The following NEK11 variants were observed in gnomAD, a reference collection of about 807,000 sequenced individuals.
NEK11 encodes the protein NIMA related kinase 11.
Under a neutral mutation model 80.7 loss-of-function variants are expected in NEK11, and 72 were observed. The ratio of observed to expected loss-of-function variants is 0.89; its 90% CI spans 0.74 to 1.08. NEK11 has a LOEUF of 1.08. Among genes scored for constraint, NEK11 ranks in the 50% least tolerant of loss-of-function variants. The pLI is 0.00. For missense variants in NEK11, 764 were observed against 763.6 expected (o/e 1.00, Z -0.01); for synonymous variants, 251 against 260.7 (o/e 0.96, Z 0.36).
chr3:131,084,079 AC>A (rs2075661661), intron 4 of NEK11, among the ~76,000 whole-genome samples: 1 of 152,114 alleles, frequency 6.6e-6, no homozygotes, highest in Admixed American at 6.5e-5. Context: ...TTTCCAATAA[AC>A]AAGGTTCCTT....
chr3:131,170,694 A>G, intron 13 of NEK11, 79 bp from the exon 14 acceptor site: 1 of 914,032 alleles, frequency 1.1e-6, no homozygotes, highest in Non-Finnish European at 1.8e-6. Flanking sequence ...AGTCTTCTAA[A>G]TAAGAATATT....
At chr3:131,331,124 A>G (rs756714231) in intron 17 of NEK11, among the ~76,000 whole-genome samples, 3 of 152,174 alleles carry the variant, frequency 2.0e-5, no homozygotes, top group Admixed American at 1.3e-4. Flanking sequence ...TTCATGCACT[A>G]TGTGACATCC....
intron 14 of NEK11, among the ~76,000 whole-genome samples, chr3:131,205,376 A>C (rs2094413441): frequency 6.6e-6 from 1 of 152,182 alleles, no homozygotes; most frequent in Non-Finnish European, 1.5e-5. Context: ...AGGGTGTCTG[A>C]TTAGAGGAAC....
intron 14 of NEK11, among the ~76,000 whole-genome samples, chr3:131,193,354 A>G (rs2093876742): frequency 6.6e-6 from 1 of 152,178 alleles, no homozygotes; most frequent in South Asian, 2.1e-4. Context: ...TGGTATTGTT[A>G]GAGTTTGGAC....
rs149498718 is a variant in NEK11 at position 131,035,937 on chromosome 3, A to G, written c.170+6059A>G. On this transcript the variant is annotated intron_variant, in intron 3 of 17. Coordinates refer to ENST00000383366, the MANE Select transcript of NEK11 (RefSeq NM_024800.5). ...TAAATAGCTCTGGATGCACCCCCATACAAATATTCATAGGGTACCTCCTTT... is the reference window on the plus strand; with the variant it reads ...TAAATAGCTCTGGATGCACCCCCATGCAAATATTCATAGGGTACCTCCTTT... Among the ~76,000 whole-genome samples the G allele has an allele frequency of 8.2e-3, 1,243 of 152,308 alleles. 21 individuals carry two copies. Among genetic ancestry groups the G allele is most frequent in the African/African-American group, 0.028 (1,174 of 41,548 alleles).
Position 131,077,387 on chromosome 3 carries a change from G to A in NEK11, c.171-3036G>A, listed in dbSNP as rs147648084. Among the ~76,000 whole-genome samples the A allele has an allele frequency of 2.4e-3, 362 of 152,252 alleles. 1 individual carries two copies. The highest frequency in any genetic ancestry group is 8.1e-3 in the African/African-American group (338 of 41,560). On this transcript the variant is annotated intron_variant, in intron 3 of 17. Coordinates refer to ENST00000383366, the MANE Select transcript of NEK11 (RefSeq NM_024800.5). Reference sequence around the variant, plus strand: ...GTGATTTTAGGTAAGGAAGGTGAACGTCTCCGCATCAGCTAGAGAGATTAT... The same window carrying A: ...GTGATTTTAGGTAAGGAAGGTGAACATCTCCGCATCAGCTAGAGAGATTAT...
At chr3:131,305,435 C>A (rs144631196) in intron 17 of NEK11, among the ~76,000 whole-genome samples, 1 of 152,086 alleles carries the variant, frequency 6.6e-6, no homozygotes, top group African/African-American at 2.4e-5. Context: ...GAGAAGCCAG[C>A]AGACACAGGA....
In NEK11 at chr3:131,152,502, G is replaced by A. The variant is rs758562940; in HGVS notation, c.762G>A (p.Glu254=). The change falls in exon 8 of 18, where the codon GAG becomes GAA. Residue 254 remains glutamate (E), a synonymous_variant. Coordinates refer to ENST00000383366, the MANE Select transcript of NEK11 (RefSeq NM_024800.5). ...IVEGDTPSLP[E]RYPKELNAIM... ...AAGGTGACACACCTTCTCTCCCTGAGAGATATCCAAAAGAACTAAATGCCA... is the reference window on the plus strand; with the variant it reads ...AAGGTGACACACCTTCTCTCCCTGAAAGATATCCAAAAGAACTAAATGCCA... 7.8e-5 allele frequency: 126 copies of A among 1,613,614 alleles called. No individual in the cohort carries two copies. Among genetic ancestry groups the A allele is most frequent in the Non-Finnish European group, 1.1e-4 (124 of 1,179,848 alleles).
At chr3:131,243,764 A>C (rs191041883) in intron 16 of NEK11, among the ~76,000 whole-genome samples, 4 of 152,230 alleles carry the variant, frequency 2.6e-5, no homozygotes, top group African/African-American at 4.8e-5. Context: ...CTAGCAGTGC[A>C]TAATAACAAG....
Position 131,168,824 on chromosome 3 carries a change from C to A in NEK11, c.1177-6C>A. 1 of 1,608,356 alleles carries A rather than the reference C, an allele frequency of 6.2e-7. No homozygotes were observed. Among genetic ancestry groups the A allele is most frequent in the South Asian group, 1.1e-5 (1 of 90,506 alleles). ...TGCTGAACAGACTTTGTCATAATCT[C>A]TTTAGGAAAAAACACATTTAAAAGG... On this transcript the variant is annotated splice_polypyrimidine_tract_variant and splice_region_variant and intron_variant, in intron 12 of 17. Transcript: ENST00000383366.
chr3:131,307,120 G>A (rs904176933), intron 17 of NEK11, among the ~76,000 whole-genome samples: 1 of 152,062 alleles, frequency 6.6e-6, no homozygotes, highest in Admixed American at 6.5e-5. Context: ...TGACTTTCAT[G>A]GAAAATGAGA....
intron 7 of NEK11, among the ~76,000 whole-genome samples, chr3:131,139,391 T>C (rs749280804): frequency 2.7e-4 from 39 of 143,732 alleles, no homozygotes; most frequent in Non-Finnish European, 3.3e-4. Context: ...ACCTCCAAGA[T>C]CTGGAAAGTA....
Position 131,044,446 on chromosome 3 carries a change from T to TG in NEK11, c.170+14579dup, listed in dbSNP as rs59841218. Among the ~76,000 whole-genome samples, 1,035 of 86,802 alleles carry TG rather than the reference T, an allele frequency of 0.012. 27 individuals carry two copies. In the East Asian group the frequency reaches 0.14, roughly 11 times the overall value. 56.9% of individuals were successfully genotyped at this position (86,802 alleles called of 152,430 possible). A position where few individuals can be genotyped will look rare whatever the true frequency, so the allele number is the denominator to read the frequency against. On this transcript the variant is annotated intron_variant, in intron 3 of 17. Coordinates refer to ENST00000383366, the MANE Select transcript of NEK11 (RefSeq NM_024800.5). ...GCAAAAAAAAAAAAAAAAAAAAAGG[T>TG]GGGGGGGGGGGTTGGAATCCTAGTC...
chr3:131,161,099 C>T (rs943910439), intron 10 of NEK11, among the ~76,000 whole-genome samples: 1 of 146,528 alleles, frequency 6.8e-6, no homozygotes, highest in African/African-American at 2.5e-5. Context: ...TGGAGTGAGC[C>T]GAAATCGTGC....
chr3:131,178,777 G>A (rs2093184345), intron 14 of NEK11, among the ~76,000 whole-genome samples: 1 of 152,148 alleles, frequency 6.6e-6, no homozygotes, highest in Admixed American at 6.5e-5. Flanking sequence ...GTACATGCTT[G>A]TATGCCCTAT....
rs568567796 is a variant in NEK11 at position 131,269,439 on chromosome 3, C to T, written c.1622-4039C>T. On this transcript the variant is annotated intron_variant, in intron 16 of 17. Transcript: ENST00000383366. ...TCTCCTGGTCTGTGGGTTGCAAAGA[C>T]CATGGGAAAAGCATAGTATCTGGGC... Among the ~76,000 whole-genome samples the T allele has an allele frequency of 3.3e-5, 5 of 152,308 alleles. No homozygotes were observed. In the South Asian group the frequency reaches 1.0e-3, roughly 32 times the overall value.
In NEK11 at chr3:131,054,157, C is replaced by G. The variant is rs137874078; in HGVS notation, c.170+24279C>G. 2.8e-3 allele frequency among the ~76,000 whole-genome samples: 427 copies of G among 152,200 alleles called. 6 individuals carry two copies. In the East Asian group the frequency reaches 0.042, roughly 15 times the overall value. On this transcript the variant is annotated intron_variant, in intron 3 of 17. Transcript: ENST00000383366. Reference sequence around the variant, plus strand: ...GTTGAATCCAGGGGTTTGAGACCAGCCTGGGCAACATGGCAAAACCCCATC... The same window carrying G: ...GTTGAATCCAGGGGTTTGAGACCAGGCTGGGCAACATGGCAAAACCCCATC...
intron 16 of NEK11, among the ~76,000 whole-genome samples, chr3:131,270,562 TTCTTTGACA>T (rs1162072091): frequency 6.6e-6 from 1 of 152,228 alleles, no homozygotes; most frequent in Non-Finnish European, 1.5e-5. Flanking sequence ...AATTGTCCTT[TTCTTTGACA>T]TAAAGCAACT....
At position 131,115,908 on chromosome 3, in the gene NEK11, TTC is replaced by T. The variant is rs1491465036; in HGVS notation, c.455+5989_455+5990del. ...TGTTCCCTGAAAGGTAGTGTTTTCTTTCTTTCTTTCTTTCTTTCTTTCTTTCT... is the reference window on the plus strand; with the variant it reads ...TGTTCCCTGAAAGGTAGTGTTTTCTTTTTCTTTCTTTCTTTCTTTCTTTCT... On this transcript the variant is annotated intron_variant, in intron 5 of 17. Transcript: ENST00000383366. Among the ~76,000 whole-genome samples, 134 of 46,830 alleles carry T rather than the reference TTC, an allele frequency of 2.9e-3. 1 individual carries two copies. The highest frequency in any genetic ancestry group is 0.011 in the African/African-American group (125 of 10,888). The allele number at this position is 46,830 out of a possible 152,430, so 30.7% of individuals were successfully genotyped here.
Sources: gnomAD v4.1 joint callset for allele counts (sites outside exome capture counted in the v4.1 genomes callset) on GRCh38, gnomAD v4.1.1 for gene constraint, MANE v1.5 for transcripts, NCBI Gene and HGNC (gene_info 2026-07-23, HGNC 2026-07-21) for gene names.